The following TPST2 variants were observed in gnomAD, a reference collection of about 807,000 sequenced individuals.
The protein encoded by TPST2 is protein-tyrosine sulfotransferase 2.
TPST2 carries 16 observed loss-of-function variants against 27.8 expected under a neutral mutation model. The ratio of observed to expected loss-of-function variants is 0.58; its 90% confidence interval spans 0.39 to 0.88. The LOEUF (loss-of-function observed/expected upper bound fraction) is 0.88, where lower values mean the gene tolerates loss of function less well. Ranked by LOEUF, TPST2 falls within the 40% of genes least tolerant of loss-of-function variation. The pLI is 0.00. For synonymous variants in TPST2, 229 were observed against 231.7 expected (o/e 0.99, Z 0.10); for missense variants, 464 against 543.1 (o/e 0.85, Z 1.45).
intron 1 of TPST2, among the ~76,000 whole-genome samples, chr22:26,558,638 T>G (rs1195617200): frequency 6.6e-6 from 1 of 151,886 alleles, no homozygotes; most frequent in Non-Finnish European, 1.5e-5. Context: ...AGCCGTCAGA[T>G]GGGGAGACAG....
At position 26,532,728 on chromosome 22, in the gene TPST2, A is replaced by G. The variant is rs202007959; in HGVS notation, c.1059T>C (p.Tyr353=). The stretch of plus-strand genomic sequence containing the variant: ...ATCCTTTCAGATTGGCTGGTGTTTT[A>G]TAGTCCCCTTTCAAGACCTAAGGAA... The part of the protein sequence containing the change: ...NNTQRVLKGD[Y]KTPANLKGYF... Residue 353 remains tyrosine (Y), a synonymous_variant, in exon 5 of 7, where the codon TAT becomes TAC. Coordinates refer to ENST00000338754, the MANE Select transcript of TPST2 (RefSeq NM_003595.5). 6.2e-7 allele frequency: 1 copy of G among 1,613,948 alleles called. No homozygotes were observed. Among genetic ancestry groups the G allele is most frequent in the Non-Finnish European group, 8.5e-7 (1 of 1,179,922 alleles).
intron 1 of TPST2, among the ~76,000 whole-genome samples, chr22:26,577,539 T>TG (rs1569196680): frequency 6.6e-6 from 1 of 151,454 alleles, no homozygotes; most frequent in Non-Finnish European, 1.5e-5. Flanking sequence ...TTAGTAGAGA[T>TG]GGGGTTTCAC....
intron 1 of TPST2, among the ~76,000 whole-genome samples, chr22:26,563,545 G>A (rs1927228800): frequency 6.6e-6 from 1 of 151,700 alleles, no homozygotes; most frequent in South Asian, 2.1e-4. Context: ...TAGCCAGGAT[G>A]GTCTCAATCT....
At chr22:26,552,132 C>T (rs1293146146) in intron 1 of TPST2, among the ~76,000 whole-genome samples, 1 of 152,086 alleles carries the variant, frequency 6.6e-6, no homozygotes, top group Non-Finnish European at 1.5e-5. Context: ...CCTGCCTAGG[C>T]CTCTCAAAGT....
intron 1 of TPST2, among the ~76,000 whole-genome samples, chr22:26,575,149 A>G (rs185426038): frequency 1.3e-5 from 2 of 152,112 alleles, no homozygotes; most frequent in East Asian, 1.9e-4. Context: ...CCCGTGCCCT[A>G]TGTCTTTCAT....
rs138944167 is a variant in TPST2, at chr22:26,524,327, G to C, written c.*1948C>G. On this transcript the variant is annotated 3_prime_UTR_variant, in exon 7 of 7. Coordinates refer to ENST00000338754, the MANE Select transcript of TPST2 (RefSeq NM_003595.5). ...CATGAAGTTCAGCCTGAACAGCATA[G>C]AAAGACCTCGTCTCTACAGAAAAAA... 4.0e-5 allele frequency: 6 copies of C among 151,760 alleles called. No homozygotes were observed. The highest frequency in any genetic ancestry group is 1.5e-4 in the African/African-American group (6 of 41,248). 9.4% of individuals were successfully genotyped at this position (151,760 alleles called of 1,614,324 possible). A position where few individuals can be genotyped will look rare whatever the true frequency, so the allele number is the denominator to read the frequency against.
chr22:26,539,491 T>C (rs1421692316), intron 3 of TPST2, among the ~76,000 whole-genome samples: 2 of 150,678 alleles, frequency 1.3e-5, no homozygotes, highest in African/African-American at 4.9e-5. Context: ...AAGAACACAA[T>C]AGGCCAGGGG....
intron 5 of TPST2, among the ~76,000 whole-genome samples, chr22:26,529,426 A>C (rs1476451675): frequency 1.3e-5 from 2 of 152,276 alleles, no homozygotes; most frequent in African/African-American, 4.8e-5. Context: ...CACCACACCC[A>C]GCCAGAAGGT....
At chr22:26,570,936 C>T (rs758199755) in intron 1 of TPST2, among the ~76,000 whole-genome samples, 4 of 152,180 alleles carry the variant, frequency 2.6e-5, no homozygotes, top group Non-Finnish European at 4.4e-5. Context: ...TTGTTTCAGG[C>T]GTTCACTTCT....
At chr22:26,528,107 G>C in intron 6 of TPST2, 107 bp downstream of exon 6, 2 of 1,343,376 alleles carry the variant, frequency 1.5e-6, no homozygotes, top group Non-Finnish European at 2.1e-6. Context: ...TAGTGGACAT[G>C]TCTACCCCAG....
At chr22:26,550,787 TG>T in intron 1 of TPST2, 1 of 418,958 alleles carries the variant, frequency 2.4e-6, no homozygotes, top group Non-Finnish European at 3.2e-6. Context: ...GCAGGTCTCT[TG>T]GGCAGGGTCC....
At chr22:26,536,041 C>G in intron 4 of TPST2, 2 of 664,102 alleles carry the variant, frequency 3.0e-6, no homozygotes, top group Non-Finnish European at 5.7e-6. Flanking sequence ...AATTAGTGTA[C>G]AAGCTGGCCT....
chr22:26,562,059 G>A (rs1447534338), intron 1 of TPST2, among the ~76,000 whole-genome samples: 1 of 152,218 alleles, frequency 6.6e-6, no homozygotes, highest in East Asian at 1.9e-4. Context: ...CAGTCAACAA[G>A]CTGGGGGACT....
intron 1 of TPST2, among the ~76,000 whole-genome samples, chr22:26,544,916 T>A (rs1456638961): frequency 1.3e-5 from 2 of 152,194 alleles, no homozygotes; most frequent in Non-Finnish European, 2.9e-5. Context: ...TGAGCTGAAG[T>A]CTGAGCTAAG....
chr22:26,568,092 C>T (rs1370375618), intron 1 of TPST2, among the ~76,000 whole-genome samples: 3 of 152,124 alleles, frequency 2.0e-5, no homozygotes, highest in Admixed American at 6.5e-5. Flanking sequence ...AACTGTTCAC[C>T]GAAGGGCACA....
intron 1 of TPST2, among the ~76,000 whole-genome samples, chr22:26,589,414 C>G (rs1199182905): frequency 6.6e-6 from 1 of 151,746 alleles, no homozygotes; most frequent in Non-Finnish European, 1.5e-5. Flanking sequence ...TTCCGGGCAC[C>G]TCCCATCCAG....
At chr22:26,531,618 C>T (rs1925167069) in intron 5 of TPST2, among the ~76,000 whole-genome samples, 1 of 152,164 alleles carries the variant, frequency 6.6e-6, no homozygotes, top group Non-Finnish European at 1.5e-5. Flanking sequence ...CTTATGGGTG[C>T]TTTCCAATAT....
intron 1 of TPST2, among the ~76,000 whole-genome samples, chr22:26,570,534 T>A (rs1384434780): frequency 1.3e-5 from 2 of 151,932 alleles, no homozygotes; most frequent in Admixed American, 6.6e-5. Flanking sequence ...TATCAGGAGG[T>A]CACACTTGGC....
At chr22:26,563,498 T>G (rs1175915374) in intron 1 of TPST2, among the ~76,000 whole-genome samples, 1 of 151,778 alleles carries the variant, frequency 6.6e-6, no homozygotes. Flanking sequence ...CCGGCTAATT[T>G]TTTTGTATTT....
Sources: gnomAD v4.1 joint callset for allele counts (sites outside exome capture counted in the v4.1 genomes callset) on GRCh38, gnomAD v4.1.1 for gene constraint, MANE v1.5 for transcripts, NCBI Gene and HGNC (gene_info 2026-07-23, HGNC 2026-07-21) for gene names.